The following COPG2 variants were observed in gnomAD, a reference collection of about 807,000 sequenced individuals.
COPG2 encodes coatomer subunit gamma-2.
COPG2 carries 37 observed loss-of-function variants against 46.3 expected under a neutral mutation model. The ratio of observed to expected loss-of-function variants is 0.80; its 90% CI spans 0.61 to 1.05. The LOEUF is 1.05. Ranked by LOEUF, COPG2 falls within the 50% of genes least tolerant of loss-of-function variation. COPG2 has a pLI of 0.00. For missense variants in COPG2, 427 were observed against 387.8 expected (o/e 1.10, Z -0.85); for synonymous variants, 159 against 129.7 (o/e 1.23, Z -1.53).
In COPG2 at chr7:130,543,103, T is replaced by C. The variant is rs988770887; in HGVS notation, c.2149+4571A>G. Among the ~76,000 whole-genome samples the C allele has an allele frequency of 9.2e-5, 14 of 152,288 alleles. No homozygotes were observed. The South Asian group carries it at 2.9e-3, about 32-fold the overall frequency. On this transcript the variant is annotated intron_variant, in intron 20 of 23. Transcript: ENST00000425248. ...ACCCCAACTGATATGGAAGGCAGTGTTGGCAATCACTGAAGGTCAGGATTT... is the reference window on the plus strand; with the variant it reads ...ACCCCAACTGATATGGAAGGCAGTGCTGGCAATCACTGAAGGTCAGGATTT...
intron 9 of COPG2, chr7:130,602,963 T>A (rs1437020003): frequency 1.3e-5 from 2 of 152,182 alleles, no homozygotes; most frequent in Non-Finnish European, 2.9e-5. Flanking sequence ...CCTCTGGAAT[T>A]TTAGAGCTTC....
intron 4 of COPG2, among the ~76,000 whole-genome samples, chr7:130,657,759 G>A (rs573915136): frequency 3.1e-4 from 47 of 152,064 alleles, no homozygotes; most frequent in African/African-American, 8.2e-4. Context: ...GAAGATATAC[G>A]GAAGGTAAAA....
intron 9 of COPG2, among the ~76,000 whole-genome samples, chr7:130,590,511 G>A (rs1271958513): frequency 5.9e-5 from 9 of 152,138 alleles, no homozygotes; most frequent in Non-Finnish European, 1.2e-4. Flanking sequence ...GCCAGCCTCG[G>A]CCTCCCGAGG....
chr7:130,551,252 T>C lies in COPG2; in HGVS notation c.1637A>G (p.Tyr546Cys), dbSNP rs1436760211. The change falls in exon 16 of 24, where the codon TAT (tyrosine) becomes TGT (cysteine). Residue 546 changes from tyrosine (Y) to cysteine (C), a missense_variant. Physicochemically the swap from Tyr to Cys is radical, Grantham distance 194. Coordinates refer to ENST00000425248, the MANE Select transcript of COPG2 (RefSeq NM_012133.6). ...QQRQMALNATYIFNGLTVSVP... is the reference protein window; with the variant it reads ...QQRQMALNATCIFNGLTVSVP... ...TGGCTTTCACTGACCATTAAAGATA[T>C]ATGTGGCATTTAGTGCCATCTGCCT... 1.0e-5 allele frequency: 4 copies of C among 398,426 alleles called. No homozygotes were observed. The highest frequency in any genetic ancestry group is 8.2e-5 in the African/African-American group (4 of 48,632). 24.7% of individuals were successfully genotyped at this position (398,426 alleles called of 1,614,324 possible). A position where few individuals can be genotyped will look rare whatever the true frequency, so the allele number is the denominator to read the frequency against.
chr7:130,616,240 T>C (rs1392826286), intron 6 of COPG2, among the ~76,000 whole-genome samples: 1 of 152,222 alleles, frequency 6.6e-6, no homozygotes, highest in African/African-American at 2.4e-5. Context: ...AACTGCATCA[T>C]TTGCTGTTTA....
chr7:130,627,788 CG>C (rs1226433579), intron 5 of COPG2, among the ~76,000 whole-genome samples: 2 of 21,254 alleles, frequency 9.4e-5, no homozygotes, highest in African/African-American at 2.0e-4. Flanking sequence ...GGGTGTGGTT[CG>C]GGGGGCGGGG....
intron 5 of COPG2, among the ~76,000 whole-genome samples, chr7:130,648,498 T>C (rs1795664717): frequency 6.6e-6 from 1 of 152,170 alleles, no homozygotes; most frequent in Admixed American, 6.5e-5. Flanking sequence ...AAATTTGGTG[T>C]GGGTGAGACT....
chr7:130,590,897 T>C (rs1335511676), intron 9 of COPG2, among the ~76,000 whole-genome samples: 10 of 148,556 alleles, frequency 6.7e-5, no homozygotes, highest in Non-Finnish European at 1.3e-4. Context: ...ACCCTCTGCC[T>C]GGCAACCGCC....
In COPG2 at chr7:130,662,988, C is replaced by T. The variant is rs1554460979; in HGVS notation, c.222G>A (p.Thr74=). 13 of 1,549,174 alleles carry T rather than the reference C, an allele frequency of 8.4e-6. No individual in the cohort carries two copies. The highest frequency in any genetic ancestry group is 6.1e-5 in the Admixed American group (3 of 49,034). ...TEATEAFFAM[T]RLFQSNDQTL... is the part of the protein sequence containing the mutation. ...TTACATCATTAGATTGAAACAATCGCGTCATTGCAAAGAAGGCTTCTGTAG... is the reference window on the plus strand; with the variant it reads ...TTACATCATTAGATTGAAACAATCGTGTCATTGCAAAGAAGGCTTCTGTAG... Residue 74 remains threonine, a synonymous_variant, in exon 4 of 24, where the codon ACG becomes ACA. Coordinates refer to ENST00000425248, the MANE Select transcript of COPG2 (RefSeq NM_012133.6).
At chr7:130,580,068 A>G (rs1794102425) in intron 9 of COPG2, among the ~76,000 whole-genome samples, 2 of 151,480 alleles carry the variant, frequency 1.3e-5, no homozygotes, top group Admixed American at 6.6e-5. Context: ...CACCACACCT[A>G]TTCCAAAATT....
In COPG2 at chr7:130,553,002, C is replaced by T. The variant is rs1584971318; in HGVS notation, c.1469-572G>A. Among the ~76,000 whole-genome samples the T allele has an allele frequency of 5.3e-5, 8 of 152,216 alleles. No homozygotes were observed. In the East Asian group the frequency reaches 1.5e-3, roughly 29 times the overall value. On this transcript the variant is annotated intron_variant, in intron 14 of 23. Coordinates refer to ENST00000425248, the MANE Select transcript of COPG2 (RefSeq NM_012133.6). The stretch of plus-strand genomic sequence containing the variant: ...GTGAATACACAGAAAGGAACTAAAT[C>T]CGAATTGGTGGTGGAAAACTAAGAC...
chr7:130,631,292 G>C (rs1467397678), intron 5 of COPG2, among the ~76,000 whole-genome samples: 1 of 151,372 alleles, frequency 6.6e-6, no homozygotes, highest in Non-Finnish European at 1.5e-5. Flanking sequence ...CGAGTAACTG[G>C]GATTACAGGC....
At chr7:130,623,672 C>T (rs1795072934) in intron 5 of COPG2, among the ~76,000 whole-genome samples, 2 of 152,162 alleles carry the variant, frequency 1.3e-5, no homozygotes, top group Admixed American at 6.5e-5. Flanking sequence ...ATTTTTATAA[C>T]ATTGAGTTGG....
chr7:130,623,423 A>C (rs1387680334), intron 5 of COPG2, among the ~76,000 whole-genome samples: 1 of 152,166 alleles, frequency 6.6e-6, no homozygotes, highest in African/African-American at 2.4e-5. Context: ...ACGGTCTGTT[A>C]GTCTGTTCAT....
At chr7:130,603,721 C>CAA (rs782190006) in intron 9 of COPG2, 6,386 of 199,302 alleles carry the variant, frequency 0.032, 3 homozygotes, top group South Asian at 0.044. Flanking sequence ...AACTCAGTCT[C>CAA]AAAAAAAAAA....
intron 5 of COPG2, chr7:130,645,660 A>G (rs991065489): frequency 6.3e-6 from 1 of 159,094 alleles, no homozygotes; most frequent in African/African-American, 2.4e-5. Context: ...ATTAGGAAGC[A>G]AAAGAAAGAA....
intron 20 of COPG2, chr7:130,509,973 C>T (rs1584958162): frequency 2.1e-6 from 1 of 473,124 alleles, no homozygotes; most frequent in Admixed American, 2.3e-5. Flanking sequence ...CCAGAAAGTC[C>T]ACCGGGCAGC....
intron 20 of COPG2, among the ~76,000 whole-genome samples, chr7:130,532,487 C>G (rs1474171286): frequency 6.6e-6 from 1 of 151,626 alleles, no homozygotes; most frequent in Non-Finnish European, 1.5e-5. Flanking sequence ...ACAGGAGCAC[C>G]CAGGTGGAGC....
In COPG2 at chr7:130,668,730, C is replaced by A; in HGVS notation, c.-62G>T. 6.7e-7 allele frequency: 1 copy of A among 1,492,244 alleles called. No homozygotes were observed. Among genetic ancestry groups the A allele is most frequent in the Non-Finnish European group, 9.0e-7 (1 of 1,116,612 alleles). 92.4% of individuals were successfully genotyped at this position (1,492,244 alleles called of 1,614,324 possible). ...CGTCCCAGGCGCCGCAGCCGGCGAG[C>A]GGAAGAGGCTGCAGGAAGGCCGGCC... On this transcript the variant is annotated 5_prime_UTR_variant, in exon 1 of 24. Transcript: ENST00000425248.
Sources: allele counts gnomAD v4.1 joint callset (sites outside exome capture counted in the v4.1 genomes callset), GRCh38; gene constraint gnomAD v4.1.1; transcripts MANE v1.5; gene names NCBI Gene and HGNC (gene_info 2026-07-23, HGNC 2026-07-21).